Variants in RAB40B observed in about 807,000 individuals in gnomAD.
The protein encoded by RAB40B is ras-related protein Rab-40B.
RAB40B carries 21 observed loss-of-function variants against 24.0 expected under a neutral mutation model. The ratio of observed to expected loss-of-function variants is 0.88; its 90% confidence interval spans 0.62 to 1.26. The LOEUF (loss-of-function observed/expected upper bound fraction) is 1.26. RAB40B is among the 50% of genes most tolerant of loss of function. The pLI is 0.00. For synonymous variants in RAB40B, 167 were observed against 169.8 expected, an observed-to-expected ratio of 0.98 and a Z score of 0.13; for missense variants, 348 against 390.5, an observed-to-expected ratio of 0.89 and a Z score of 0.92.
chr17:82,695,736 G>T (rs2046603202), intron 1 of RAB40B, among the ~76,000 whole-genome samples: 1 of 151,726 alleles, frequency 6.6e-6, no homozygotes, highest in Non-Finnish European at 1.5e-5. Flanking sequence ...AAAACATAAT[G>T]ATCTCAACTT....
intron 1 of RAB40B, 22 bp from the exon 2 acceptor site, chr17:82,664,578 C>T: frequency 6.2e-7 from 1 of 1,611,672 alleles, no homozygotes. Context: ...TTAGAGACGG[C>T]TTAGGCCTGA....
chr17:82,673,505 A>T (rs1191537764), intron 1 of RAB40B, among the ~76,000 whole-genome samples: 1 of 152,194 alleles, frequency 6.6e-6, no homozygotes, highest in Non-Finnish European at 1.5e-5. Flanking sequence ...TGCATGGAAG[A>T]AGGTAGTATC....
At chr17:82,695,544 T>TAAA (rs79533384) in intron 1 of RAB40B, among the ~76,000 whole-genome samples, 1 of 133,766 alleles carries the variant, frequency 7.5e-6, no homozygotes. Context: ...AACATGTCAT[T>TAAA]AAAAAAAAAA....
At chr17:82,677,828 C>G (rs994189422) in intron 1 of RAB40B, among the ~76,000 whole-genome samples, 1 of 152,208 alleles carries the variant, frequency 6.6e-6, no homozygotes, top group Non-Finnish European at 1.5e-5. Context: ...TGCACCTGCC[C>G]GACCCCTGCA....
rs1459690486 is a variant in RAB40B at position 82,675,145 on chromosome 17, A to G, written c.143-10589T>C. ...AAGGATGCATTTTCACATCTTCCCC[A>G]AGCAAAGTACAATGACCTCCACATC... On this transcript the variant is annotated intron_variant, in intron 1 of 5. Coordinates refer to ENST00000571995, the MANE Select transcript of RAB40B (RefSeq NM_006822.3). The surrounding 1 kb of genome is among the most constrained non-coding windows in gnomAD (Gnocchi z 4.5). Among the ~76,000 whole-genome samples, 1 of 152,224 alleles carries G rather than the reference A, an allele frequency of 6.6e-6. No individual in the cohort carries two copies. The highest frequency in any genetic ancestry group is 1.9e-4 in the East Asian group (1 of 5,202).
Position 82,696,605 on chromosome 17 carries a change from AT to A in RAB40B, c.142+1849del, listed in dbSNP as rs2046612317. The A allele has an allele frequency of 3.3e-5, 5 of 149,296 alleles. 1 individual carries two copies. Among genetic ancestry groups the A allele is most frequent in the African/African-American group, 1.3e-4 (5 of 38,070 alleles). 9.2% of individuals were successfully genotyped at this position (149,296 alleles called of 1,614,324 possible). On this transcript the variant is annotated intron_variant, in intron 1 of 5. Coordinates refer to ENST00000571995, the MANE Select transcript of RAB40B (RefSeq NM_006822.3). ...TCCAGCCCTGTCCTCCAGGCGCTCAATCTCCAGCCCTGTCCTCCAGGCGCTC... is the reference window on the plus strand; with the variant it reads ...TCCAGCCCTGTCCTCCAGGCGCTCAACTCCAGCCCTGTCCTCCAGGCGCTC...
intron 1 of RAB40B, among the ~76,000 whole-genome samples, chr17:82,666,373 TA>T (rs1481557665): frequency 6.6e-6 from 1 of 152,062 alleles, no homozygotes; most frequent in Admixed American, 6.6e-5. Flanking sequence ...GCCTCCTGAG[TA>T]GCTGGAATTA....
intron 1 of RAB40B, among the ~76,000 whole-genome samples, chr17:82,689,614 TAG>T (rs984632005): frequency 8.5e-5 from 13 of 152,196 alleles, no homozygotes; most frequent in African/African-American, 3.1e-4. Flanking sequence ...TTCAAATGCA[TAG>T]AGACATTTAA....
intron 1 of RAB40B, among the ~76,000 whole-genome samples, chr17:82,679,852 GT>G (rs1160916987): frequency 7.4e-6 from 1 of 134,598 alleles, no homozygotes; most frequent in African/African-American, 2.8e-5. Flanking sequence ...CAGAAGCAGT[GT>G]CCTGGAGCGT....
At position 82,655,828 on chromosome 17, in the gene RAB40B, G is replaced by A. The variant is rs2046082817; in HGVS notation, c.*2035C>T. On this transcript the variant is annotated 3_prime_UTR_variant, in exon 6 of 6. Coordinates refer to ENST00000571995, the MANE Select transcript of RAB40B (RefSeq NM_006822.3). ...GTCCCCGTGGCTGCCGTGCCCAGGT[G>A]GCCAGACACCCCCAAGCCTGGGTCC... 1 of 152,254 alleles carries A rather than the reference G, an allele frequency of 6.6e-6. No homozygotes were observed. The highest frequency in any genetic ancestry group is 2.1e-4 in the South Asian group (1 of 4,830). 9.4% of individuals were successfully genotyped at this position (152,254 alleles called of 1,614,324 possible).
chr17:82,689,011 T>C (rs2046529718), intron 1 of RAB40B, among the ~76,000 whole-genome samples: 1 of 152,270 alleles, frequency 6.6e-6, no homozygotes, highest in African/African-American at 2.4e-5. Context: ...TTGGATGCTG[T>C]TGTTCTTTTC....
At chr17:82,676,335 C>T (rs2046393980) in intron 1 of RAB40B, among the ~76,000 whole-genome samples, 1 of 149,226 alleles carries the variant, frequency 6.7e-6, no homozygotes, top group Admixed American at 6.6e-5. Flanking sequence ...CACCCCTCAC[C>T]TTCAACAGCC....
Position 82,657,727 on chromosome 17 carries a change from A to T in RAB40B, c.*136T>A, listed in dbSNP as rs767591042. 2 of 1,060,462 alleles carry T rather than the reference A, an allele frequency of 1.9e-6. No homozygotes were observed. Among genetic ancestry groups the T allele is most frequent in the South Asian group, 2.5e-5 (2 of 79,550 alleles). The allele number at this position is 1,060,462 out of a possible 1,614,324, so 65.7% of individuals were successfully genotyped here. Reference sequence around the variant, plus strand: ...TCCGACGGGGTAGTGTGTTTCCATCACACGGAAGGCGTCGCACACATTCGC... The same window carrying T: ...TCCGACGGGGTAGTGTGTTTCCATCTCACGGAAGGCGTCGCACACATTCGC... On this transcript the variant is annotated 3_prime_UTR_variant, in exon 6 of 6. Coordinates refer to ENST00000571995, the MANE Select transcript of RAB40B (RefSeq NM_006822.3).
intron 1 of RAB40B, among the ~76,000 whole-genome samples, chr17:82,687,756 T>C (rs1252803864): frequency 6.6e-6 from 1 of 152,184 alleles, no homozygotes; most frequent in East Asian, 1.9e-4. Flanking sequence ...CTGCCGATCA[T>C]GCAGGGCAGG....
chr17:82,694,611 C>T (rs1386300289), intron 1 of RAB40B, among the ~76,000 whole-genome samples: 3 of 151,324 alleles, frequency 2.0e-5, no homozygotes, highest in African/African-American at 7.3e-5. Context: ...AAAAGTTTAA[C>T]ACAAACATTC....
chr17:82,661,306 A>G (rs995759444), intron 2 of RAB40B: 1 of 1,245,622 alleles, frequency 8.0e-7, no homozygotes, highest in African/African-American at 1.5e-5. Flanking sequence ...CATAATTCTC[A>G]GATATTTAAA....
chr17:82,683,805 C>CAAAAAAAAAA (rs35145848), intron 1 of RAB40B, among the ~76,000 whole-genome samples: 4 of 90,784 alleles, frequency 4.4e-5, no homozygotes, highest in East Asian at 3.2e-4. Flanking sequence ...ACCCTGTTTC[C>CAAAAAAAAAA]AAAAAAAAAA....
chr17:82,670,503 A>C (rs147141745), intron 1 of RAB40B, among the ~76,000 whole-genome samples: 48 of 151,056 alleles, frequency 3.2e-4, no homozygotes, highest in African/African-American at 1.0e-3. Flanking sequence ...AACAACTTTA[A>C]AATGTGTTCA....
intron 4 of RAB40B, chr17:82,658,973 C>G: frequency 2.1e-6 from 1 of 467,798 alleles, no homozygotes; most frequent in Admixed American, 3.5e-5. Context: ...CCATGTTACG[C>G]GAAGGCAGAG....
Sources: allele counts gnomAD v4.1 joint callset (sites outside exome capture counted in the v4.1 genomes callset), GRCh38; gene constraint gnomAD v4.1.1; non-coding constraint Gnocchi (gnomAD v3.1); transcripts MANE v1.5; gene names NCBI Gene and HGNC (gene_info 2026-07-23, HGNC 2026-07-21).